The following ADAM19 variants were observed in gnomAD, a reference collection of about 807,000 sequenced individuals.
ADAM19 encodes disintegrin and metalloproteinase domain-containing protein 19.
In ADAM19, 65 loss-of-function variants were observed where a neutral mutation model predicts 114.7. The ratio of observed to expected loss-of-function variants is 0.57; its 90% CI spans 0.46 to 0.70. The LOEUF is 0.70. Among genes scored for constraint, ADAM19 ranks in the 30% least tolerant of loss-of-function variants. ADAM19 has a pLI of 0.00. For synonymous variants in ADAM19, 466 were observed against 460.5 expected (o/e 1.01, Z -0.15); for missense variants, 1,063 against 1,204.7 (o/e 0.88, Z 1.74).
chr5:157,487,975 G>A (rs1418252188), intron 21 of ADAM19, among the ~76,000 whole-genome samples: 2 of 152,148 alleles, frequency 1.3e-5, no homozygotes, highest in Admixed American at 6.5e-5. Flanking sequence ...GCAGGCAGAC[G>A]AGCATGGGGG....
intron 15 of ADAM19, 129 bp downstream of exon 15, chr5:157,494,558 T>C: frequency 1.5e-6 from 1 of 678,684 alleles, no homozygotes. Flanking sequence ...AATAGATGAC[T>C]GACTTCAACT....
In ADAM19 at chr5:157,519,978, T is replaced by C; in HGVS notation, c.461A>G (p.Asp154Gly). The C allele has an allele frequency of 6.2e-7, 1 of 1,614,170 alleles. No homozygotes were observed. Among genetic ancestry groups the C allele is most frequent in the Non-Finnish European group, 8.5e-7 (1 of 1,180,014 alleles). ...GTAAATAAGGTGTTGGCCCTTGCTG[T>C]CAGGGAGGGGCTCGATGACGTAGCT... Reference protein sequence around the residue: ...NLSYVIEPLPDSKGQHLIYRS... With the variant: ...NLSYVIEPLPGSKGQHLIYRS... Residue 154 changes from aspartate (D) to glycine (G), a missense_variant, in exon 6 of 23, where the codon GAC becomes GGC. Physicochemically the swap from Asp to Gly is moderately conservative, Grantham distance 94 (BLOSUM62 -1). Transcript: ENST00000257527.
chr5:157,503,417 C>A (rs1484145294), intron 11 of ADAM19, among the ~76,000 whole-genome samples: 1 of 151,436 alleles, frequency 6.6e-6, no homozygotes, highest in African/African-American at 2.4e-5. Context: ...GGGTGCAGCA[C>A]ACCAACATGG....
intron 1 of ADAM19, among the ~76,000 whole-genome samples, chr5:157,574,799 C>T (rs1321294521): frequency 6.6e-6 from 1 of 152,162 alleles, no homozygotes; most frequent in Non-Finnish European, 1.5e-5. Flanking sequence ...CGGACATCAC[C>T]CGGCATCTTA....
chr5:157,480,440 C>T lies in ADAM19; in HGVS notation c.*509G>A. 1 of 990,374 alleles carries T rather than the reference C, an allele frequency of 1.0e-6. No homozygotes were observed. The highest frequency in any genetic ancestry group is 1.2e-6 in the Non-Finnish European group (1 of 833,162). The allele number at this position is 990,374 out of a possible 1,614,324, so 61.3% of individuals were successfully genotyped here. A position where few individuals can be genotyped will look rare whatever the true frequency, so the allele number is the denominator to read the frequency against. ...AACCAAGCCCTGGGCAGGGCCACAGCAGTGGCTGGCTTGACCCTTCCTTAA... is the reference window on the plus strand; with the variant it reads ...AACCAAGCCCTGGGCAGGGCCACAGTAGTGGCTGGCTTGACCCTTCCTTAA... On this transcript the variant is annotated 3_prime_UTR_variant, in exon 23 of 23. Transcript: ENST00000257527.
intron 5 of ADAM19, among the ~76,000 whole-genome samples, chr5:157,527,614 C>A (rs530387941): frequency 1.3e-5 from 2 of 152,176 alleles, no homozygotes; most frequent in Non-Finnish European, 2.9e-5. Context: ...CCCACCAGGA[C>A]CCTCCCTCAA....
chr5:157,485,637 C>A (rs556247159), intron 21 of ADAM19, among the ~76,000 whole-genome samples: 74 of 152,322 alleles, frequency 4.9e-4, no homozygotes, highest in African/African-American at 1.8e-3. Flanking sequence ...TCCTTGGGAC[C>A]CAAGCACACA....
At chr5:157,497,312 T>C (rs1438173809) in intron 13 of ADAM19, among the ~76,000 whole-genome samples, 1 of 152,198 alleles carries the variant, frequency 6.6e-6, no homozygotes, top group Non-Finnish European at 1.5e-5. Flanking sequence ...CACTTTCTCT[T>C]CATAGAAGTC....
intron 21 of ADAM19, among the ~76,000 whole-genome samples, chr5:157,484,390 G>GT (rs1423879686): frequency 6.6e-6 from 1 of 152,120 alleles, no homozygotes; most frequent in Non-Finnish European, 1.5e-5. Flanking sequence ...TGCTCAACAC[G>GT]TATTAGTTGA....
At chr5:157,552,542 G>A (rs1757229159) in intron 3 of ADAM19, among the ~76,000 whole-genome samples, 1 of 151,986 alleles carries the variant, frequency 6.6e-6, no homozygotes, top group Non-Finnish European at 1.5e-5. Flanking sequence ...AGCCGGGCAT[G>A]GTGGTGTGTG....
At chr5:157,499,933 C>CATGCCCCGCTAGG in intron 12 of ADAM19, among the ~76,000 whole-genome samples, 1 of 152,032 alleles carries the variant, frequency 6.6e-6, no homozygotes. Context: ...CACACCCCAC[C>CATGCCCCGCTAGG]ACACCTGGCT....
chr5:157,494,251 A>G (rs368470870), intron 15 of ADAM19, among the ~76,000 whole-genome samples: 1 of 148,446 alleles, frequency 6.7e-6, no homozygotes, highest in African/African-American at 2.5e-5. Flanking sequence ...AGTGGGTGGT[A>G]GATGGATGGA....
At chr5:157,561,829 A>G (rs1168721749) in intron 3 of ADAM19, among the ~76,000 whole-genome samples, 10 of 151,922 alleles carry the variant, frequency 6.6e-5, no homozygotes, top group Non-Finnish European at 4.4e-5. Flanking sequence ...ACTGTTTCCC[A>G]CTAGAATAGA....
intron 21 of ADAM19, among the ~76,000 whole-genome samples, chr5:157,484,404 A>C (rs1478831194): frequency 3.9e-5 from 6 of 152,080 alleles, no homozygotes; most frequent in Non-Finnish European, 7.4e-5. Context: ...TAGTTGATCC[A>C]TTGTTTTTTA....
chr5:157,489,001 G>C, intron 20 of ADAM19, 101 bp downstream of exon 20: 1 of 906,190 alleles, frequency 1.1e-6, no homozygotes, highest in Non-Finnish European at 1.8e-6. Flanking sequence ...CTGTACTCCA[G>C]CCTGGGCGAC....
chr5:157,539,721 C>T (rs1401463608), intron 3 of ADAM19, among the ~76,000 whole-genome samples: 1 of 152,090 alleles, frequency 6.6e-6, no homozygotes, highest in Non-Finnish European at 1.5e-5. Context: ...TCTCCCAGTC[C>T]TTTCTCTTTC....
rs1054410617 is a variant in ADAM19, at chr5:157,477,922, G to T, written c.*3027C>A. 6 of 326,748 alleles carry T rather than the reference G, an allele frequency of 1.8e-5. No homozygotes were observed. Among genetic ancestry groups the T allele is most frequent in the African/African-American group, 1.3e-4 (6 of 46,348 alleles). The allele number at this position is 326,748 out of a possible 1,614,324, so 20.2% of individuals were successfully genotyped here. On this transcript the variant is annotated 3_prime_UTR_variant, in exon 23 of 23. Transcript: ENST00000257527. ...TAAGATCTGCAAGTGTCTCAGAGCT[G>T]GGGCAGAAAAAGGCTTTACTTTTAT...
rs1011805039 is a variant in ADAM19, at chr5:157,490,385, T to C, written c.2165A>G (p.Tyr722Cys). ...LVLAVLMLMY[Y>C]CCRQNNKLGQ... The stretch of plus-strand genomic sequence containing the variant: ...TAGTTTGTTGTTCTGTCTGCAGCAG[T>C]AGTACATCAGCATGAGGACCGCCAG... The change falls in exon 19 of 23, where the codon TAC becomes TGC. Residue 722 changes from tyrosine (Y) to cysteine (C), a missense_variant. Around this residue, in one of 3 missense-constraint regions of ADAM19, gnomAD observed 424 missense variants for 445.5 expected, o/e 0.95. Transcript: ENST00000257527. 1 of 1,613,858 alleles carries C rather than the reference T, an allele frequency of 6.2e-7. No individual in the cohort carries two copies. Among genetic ancestry groups the C allele is most frequent in the African/African-American group, 1.3e-5 (1 of 74,858 alleles).
Position 157,480,661 on chromosome 5 carries a change from C to T in ADAM19, c.*288G>A. The stretch of plus-strand genomic sequence containing the variant: ...CCATCAGCACCTCGGGGCTAGGAGT[C>T]TGGAGGAGAAGCTGCCAGTCACCCT... On this transcript the variant is annotated 3_prime_UTR_variant, in exon 23 of 23. Transcript: ENST00000257527. 8.1e-7 allele frequency: 1 copy of T among 1,234,436 alleles called. No homozygotes were observed. The highest frequency in any genetic ancestry group is 1.0e-6 in the Non-Finnish European group (1 of 981,268). The allele number at this position is 1,234,436 out of a possible 1,614,324, so 76.5% of individuals were successfully genotyped here.
Sources: gnomAD v4.1 joint callset for allele counts (sites outside exome capture counted in the v4.1 genomes callset) on GRCh38, gnomAD v4.1.1 for gene constraint, gnomAD v4.1.1 regional missense constraint, MANE v1.5 for transcripts, NCBI Gene and HGNC (gene_info 2026-07-23, HGNC 2026-07-21) for gene names.